Variants in CFAP100 observed in about 807,000 individuals in gnomAD.
CFAP100 encodes the protein cilia and flagella associated protein 100, also known as cilia- and flagella-associated protein 100.
A neutral mutation model predicts 81.5 loss-of-function variants in CFAP100; 70 were observed. The observed-to-expected ratio is 0.86, with a 90% CI of 0.71 to 1.05. The LOEUF is 1.05. CFAP100 is among the 50% of genes least tolerant of loss of function. The pLI, the probability that CFAP100 is intolerant of heterozygous loss-of-function variation, is 0.00. For synonymous variants in CFAP100, 341 were observed against 314.8 expected (o/e 1.08, Z -0.88); for missense variants, 811 against 776.5 (o/e 1.04, Z -0.53).
chr3:126,412,990 A>G (rs1484775269), intron 3 of CFAP100, among the ~76,000 whole-genome samples: 1 of 152,204 alleles, frequency 6.6e-6, no homozygotes, highest in Admixed American at 6.5e-5. Flanking sequence ...GGGACATGGG[A>G]TGGGCCGCCC....
intron 13 of CFAP100, among the ~76,000 whole-genome samples, 161 bp downstream of exon 13, chr3:126,423,805 G>A (rs944347157): frequency 2.6e-5 from 4 of 152,256 alleles, no homozygotes; most frequent in African/African-American, 9.6e-5. Flanking sequence ...TTTGTGGGCC[G>A]GATCCTGGAG....
chr3:126,425,659 A>G (rs915287035), intron 13 of CFAP100, among the ~76,000 whole-genome samples: 4 of 152,256 alleles, frequency 2.6e-5, no homozygotes, highest in African/African-American at 9.6e-5. Flanking sequence ...AGATGCAAAA[A>G]TCCTCAACAA....
rs146398638 is a variant in CFAP100 at position 126,434,259 on chromosome 3, C to T, written c.1506C>T (p.Gly502=). 246 of 1,614,034 alleles carry T rather than the reference C, an allele frequency of 1.5e-4. No individual in the cohort carries two copies. In the African/African-American group the frequency reaches 2.8e-3, roughly 18 times the overall value. The change falls in exon 15 of 17, where the codon GGC becomes GGT. Residue 502 remains glycine, a synonymous_variant. Transcript: ENST00000352312. ...CTGTQQEANL[G]TVQMLTIIEH... ...GCACCCAGCAGGAGGCCAACCTGGG[C>T]ACCGTGCAGATGCTGACCATCATTG...
rs772585067 is a variant in CFAP100, at chr3:126,419,758, G to A, written c.853G>A (p.Ala285Thr). ...AAAGAAACACTCGTTTCTCAAAAAG[G>A]CCAAGGAGGTCTCCGAGGCTTCCAA... ...QEKKHSFLKK[A>T]KEVSEASKES... The change falls in exon 9 of 17, where the codon GCC becomes ACC. Residue 285 changes from alanine (A) to threonine (T), a missense_variant. Physicochemically the swap from Ala to Thr is moderately conservative, Grantham distance 58. Coordinates refer to ENST00000352312, the MANE Select transcript of CFAP100 (RefSeq NM_182628.3). 1.2e-6 allele frequency: 2 copies of A among 1,614,060 alleles called. No individual in the cohort carries two copies. Among genetic ancestry groups the A allele is most frequent in the Non-Finnish European group, 1.7e-6 (2 of 1,180,038 alleles).
chr3:126,427,822 A>T (rs1933019223), intron 13 of CFAP100, among the ~76,000 whole-genome samples: 1 of 152,222 alleles, frequency 6.6e-6, no homozygotes, highest in Admixed American at 6.5e-5. Flanking sequence ...AGGAAGCATG[A>T]TGCTGGCAGC....
chr3:126,419,259 T>TGC, intron 8 of CFAP100, 103 bp downstream of exon 8: 1 of 730,970 alleles, frequency 1.4e-6, no homozygotes, highest in Non-Finnish European at 2.3e-6. Flanking sequence ...CCTCATGGCT[T>TGC]TACCTCCCAG....
Position 126,414,180 on chromosome 3 carries a change from G to C in CFAP100, c.225+1G>C, listed in dbSNP as rs150312379. On this transcript the variant is annotated splice_donor_variant, in intron 4 of 16. Coordinates refer to ENST00000352312, the MANE Select transcript of CFAP100 (RefSeq NM_182628.3). LOFTEE classifies it high-confidence loss of function. ...TCAGGAGCGGAATAAGGCTCTCTCC[G>C]TGAGTATCCAGGACAGACGCCAGCA... 3.1e-6 allele frequency: 5 copies of C among 1,610,276 alleles called. No individual in the cohort carries two copies. In the South Asian group the frequency reaches 5.5e-5, roughly 18 times the overall value.
rs546679635 is a variant in CFAP100, at chr3:126,422,437, A to G, written c.1083-888A>G. Among the ~76,000 whole-genome samples the G allele has an allele frequency of 1.1e-3, 171 of 152,242 alleles. 1 individual carries two copies. Among genetic ancestry groups the G allele is most frequent in the African/African-American group, 3.5e-3 (146 of 41,554 alleles). On this transcript the variant is annotated intron_variant, in intron 11 of 16. Coordinates refer to ENST00000352312, the MANE Select transcript of CFAP100 (RefSeq NM_182628.3). ...CTGCTTCTGGGGATCAGGGGCTGGC[A>G]TCTCCAAGCCCAAGCTTAGGTCCCT...
chr3:126,433,794 T>C, intron 14 of CFAP100: 1 of 211,072 alleles, frequency 4.7e-6, no homozygotes, highest in Non-Finnish European at 9.6e-6. Context: ...GCTGCTCCTC[T>C]CTCCTCATAT....
chr3:126,432,729 C>G (rs1269779533), intron 13 of CFAP100: 3 of 191,630 alleles, frequency 1.6e-5, no homozygotes, highest in East Asian at 2.8e-4. Context: ...TGAAAATGTT[C>G]TAAAATTAGA....
chr3:126,398,531 G>A (rs1576611187), intron 2 of CFAP100, among the ~76,000 whole-genome samples: 3 of 152,352 alleles, frequency 2.0e-5, no homozygotes, highest in African/African-American at 4.8e-5. Flanking sequence ...TCAAGTGCAC[G>A]TCCCCCACAA....
intron 5 of CFAP100, among the ~76,000 whole-genome samples, chr3:126,417,265 T>A (rs1002142433): frequency 4.0e-5 from 6 of 151,450 alleles, no homozygotes; most frequent in African/African-American, 1.5e-4. Context: ...TTGTGGGGAT[T>A]GAATGTGCTA....
chr3:126,421,576 T>C (rs1029483973), intron 11 of CFAP100, among the ~76,000 whole-genome samples: 1 of 152,156 alleles, frequency 6.6e-6, no homozygotes, highest in Non-Finnish European at 1.5e-5. Flanking sequence ...CCGGGCCCTG[T>C]GTCTGTGGCA....
intron 2 of CFAP100, among the ~76,000 whole-genome samples, chr3:126,400,008 AG>A (rs2107582586): frequency 6.6e-6 from 1 of 152,264 alleles, no homozygotes; most frequent in Admixed American, 6.5e-5. Context: ...TTCCAACTCC[AG>A]GGTCTAAAGC....
chr3:126,434,138 G>A (rs763848599), intron 14 of CFAP100, 38 bp from the exon 15 acceptor site: 24 of 1,568,120 alleles, frequency 1.5e-5, no homozygotes, highest in Middle Eastern at 2.1e-4. Context: ...GTGGGTTTCC[G>A]CCTGCCAGCA....
chr3:126,420,112 G>T lies in CFAP100; in HGVS notation c.965G>T (p.Gly322Val). The T allele has an allele frequency of 6.2e-7, 1 of 1,613,300 alleles. No individual in the cohort carries two copies. The highest frequency in any genetic ancestry group is 1.7e-4 in the Middle Eastern group (1 of 5,994). The change falls in exon 11 of 17, where the codon GGT becomes GTT. Residue 322 changes from glycine to valine, a missense_variant. By Grantham distance (109) the Gly-to-Val change is moderately radical. Transcript: ENST00000352312. Reference sequence around the variant, plus strand: ...CCTCTGCTTTCTCCAGAGGGTCAGGGTACAAAGAAGCCCTGGAGGTTTCTG... The same window carrying T: ...CCTCTGCTTTCTCCAGAGGGTCAGGTTACAAAGAAGCCCTGGAGGTTTCTG... ...ASSMWAKEGQGTKKPWRFLQT... is the reference protein window; with the variant it reads ...ASSMWAKEGQVTKKPWRFLQT...
At chr3:126,431,388 C>T (rs1395016478) in intron 13 of CFAP100, among the ~76,000 whole-genome samples, 1 of 152,238 alleles carries the variant, frequency 6.6e-6, no homozygotes, top group African/African-American at 2.4e-5. Context: ...GGGGGTTCCA[C>T]CTTGCTTTCT....
intron 13 of CFAP100, among the ~76,000 whole-genome samples, chr3:126,426,370 C>G (rs1443917355): frequency 6.6e-6 from 1 of 150,970 alleles, no homozygotes; most frequent in Non-Finnish European, 1.5e-5. Flanking sequence ...GGCTGAGGTG[C>G]AAGGATCACT....
chr3:126,409,600 A>G (rs1576624182), intron 3 of CFAP100, among the ~76,000 whole-genome samples: 3 of 152,024 alleles, frequency 2.0e-5, no homozygotes, highest in African/African-American at 7.3e-5. Context: ...GTCCTCTCCA[A>G]CTTGGTACAC....
Sources: gnomAD v4.1 joint callset for allele counts (sites outside exome capture counted in the v4.1 genomes callset) on GRCh38, gnomAD v4.1.1 for gene constraint, MANE v1.5 for transcripts, NCBI Gene and HGNC (gene_info 2026-07-23, HGNC 2026-07-21) for gene names.